Variants in ASPH observed in about 807,000 individuals in gnomAD.
The protein encoded by ASPH is aspartyl/asparaginyl beta-hydroxylase.
A neutral mutation model predicts 118.4 loss-of-function variants in ASPH; 100 were observed. The observed-to-expected ratio is 0.84, with a 90% CI of 0.72 to 1.00. The LOEUF (loss-of-function observed/expected upper bound fraction) is 1.00, where lower values mean the gene tolerates loss of function less well. ASPH is among the 50% of genes least tolerant of loss of function. The pLI, the probability that ASPH is intolerant of heterozygous loss-of-function variation, is 0.00. For missense variants in ASPH, 920 were observed against 919.5 expected (o/e 1.00, Z -0.01); for synonymous variants, 315 against 325.6 (o/e 0.97, Z 0.35).
At chr8:61,651,753 T>C (rs904047719) in intron 4 of ASPH, among the ~76,000 whole-genome samples, 1 of 152,214 alleles carries the variant, frequency 6.6e-6, no homozygotes, top group Non-Finnish European at 1.5e-5. Context: ...ATAAATTGAA[T>C]TACAAAAGTG....
intron 3 of ASPH, among the ~76,000 whole-genome samples, chr8:61,672,793 T>A (rs1823269398): frequency 6.6e-6 from 1 of 152,204 alleles, no homozygotes; most frequent in Middle Eastern, 3.2e-3. Context: ...ATTTAACTTA[T>A]GAAAATAAAG....
chr8:61,558,505 T>C (rs1355208346), intron 18 of ASPH, among the ~76,000 whole-genome samples: 1 of 152,140 alleles, frequency 6.6e-6, no homozygotes, highest in Admixed American at 6.5e-5. Flanking sequence ...TAGAAAAAAA[T>C]TACATACACT....
chr8:61,604,454 T>G (rs1025006676), intron 14 of ASPH, among the ~76,000 whole-genome samples: 7 of 152,216 alleles, frequency 4.6e-5, no homozygotes, highest in African/African-American at 1.7e-4. Context: ...TCAGTAACAC[T>G]GACATTCAGA....
chr8:61,661,704 A>G (rs975069128), intron 3 of ASPH: 1 of 329,222 alleles, frequency 3.0e-6, no homozygotes, highest in Non-Finnish European at 5.5e-6. Flanking sequence ...TCTATGGGGA[A>G]TCTTTATTAT....
At chr8:61,583,890 T>A in intron 15 of ASPH, 54 bp downstream of exon 15, 9 of 1,215,012 alleles carry the variant, frequency 7.4e-6, no homozygotes, top group East Asian at 2.4e-5. Flanking sequence ...AAATCAAGAG[T>A]AATGCCTGAG....
chr8:61,591,714 A>G (rs540499386), intron 14 of ASPH, among the ~76,000 whole-genome samples: 5 of 152,274 alleles, frequency 3.3e-5, no homozygotes. Flanking sequence ...TGTGTGACTC[A>G]CCCAAGCTGC....
At chr8:61,507,412 T>C (rs1198415078) in intron 24 of ASPH, among the ~76,000 whole-genome samples, 1 of 152,240 alleles carries the variant, frequency 6.6e-6, no homozygotes, top group Non-Finnish European at 1.5e-5. Context: ...TTCCACTTTC[T>C]TTCATACATT....
At chr8:61,675,355 T>G in intron 3 of ASPH, 1 of 965,354 alleles carries the variant, frequency 1.0e-6, no homozygotes, top group Non-Finnish European at 1.2e-6. Flanking sequence ...TACAAATTAC[T>G]TTCTCTGGAT....
At chr8:61,577,725 C>T in intron 15 of ASPH, among the ~76,000 whole-genome samples, 1 of 152,124 alleles carries the variant, frequency 6.6e-6, no homozygotes, top group Non-Finnish European at 1.5e-5. Flanking sequence ...GGAAGATCCC[C>T]TTATAAAACC....
chr8:61,625,002 T>C (rs1852234228), intron 13 of ASPH: 1 of 985,520 alleles, frequency 1.0e-6, no homozygotes, highest in Non-Finnish European at 1.2e-6. Context: ...GATAAAAATA[T>C]AGAAGTATCT....
chr8:61,621,889 GA>G (rs966047404), intron 13 of ASPH, among the ~76,000 whole-genome samples: 1 of 151,748 alleles, frequency 6.6e-6, no homozygotes, highest in Non-Finnish European at 1.5e-5. Context: ...TTCGTATTCA[GA>G]AAAAAAAGAT....
intron 14 of ASPH, among the ~76,000 whole-genome samples, chr8:61,612,930 C>T (rs1847908647): frequency 6.6e-6 from 1 of 152,120 alleles, no homozygotes; most frequent in Admixed American, 6.5e-5. Flanking sequence ...ATAATTCTTC[C>T]TGCCCACCAT....
chr8:61,545,824 G>A (rs975645410), intron 21 of ASPH, among the ~76,000 whole-genome samples: 3 of 152,158 alleles, frequency 2.0e-5, no homozygotes, highest in African/African-American at 7.2e-5. Context: ...GGTTTGATCT[G>A]TTGGTTTAAG....
intron 1 of ASPH, chr8:61,684,733 A>G (rs1829741764): frequency 1.3e-5 from 2 of 152,302 alleles, no homozygotes; most frequent in African/African-American, 4.8e-5. Flanking sequence ...GAAAAGGCTC[A>G]TTCACAATTG....
intron 14 of ASPH, among the ~76,000 whole-genome samples, chr8:61,608,748 C>G (rs912738656): frequency 2.1e-4 from 32 of 152,152 alleles, no homozygotes; most frequent in African/African-American, 7.7e-4. Flanking sequence ...AGAATTATTG[C>G]ACCTAGAGTG....
intron 20 of ASPH, among the ~76,000 whole-genome samples, chr8:61,549,388 A>C (rs953570514): frequency 6.6e-5 from 10 of 152,156 alleles, no homozygotes; most frequent in African/African-American, 2.4e-4. Flanking sequence ...TAAAGGCTAA[A>C]TCTTCTGAAC....
intron 16 of ASPH, among the ~76,000 whole-genome samples, chr8:61,572,235 G>C (rs572979015): frequency 4.1e-4 from 62 of 152,290 alleles, no homozygotes; most frequent in Admixed American, 2.2e-3. Flanking sequence ...TAGGGGTGCT[G>C]TCAGCATCTC....
intron 3 of ASPH, chr8:61,675,572 A>G (rs954904213): frequency 3.1e-6 from 3 of 979,956 alleles, no homozygotes; most frequent in East Asian, 1.1e-4. Context: ...ACAATAAAAA[A>G]TATCAGCTTA....
intron 10 of ASPH, 38 bp from the exon 11 acceptor site, chr8:61,638,401 T>C (rs1459121980): frequency 2.0e-6 from 3 of 1,501,946 alleles, no homozygotes; most frequent in Non-Finnish European, 2.7e-6. Context: ...CCCGTAACTT[T>C]CATTGTAACA....
Sources: gnomAD v4.1 joint callset for allele counts (sites outside exome capture counted in the v4.1 genomes callset) on GRCh38, gnomAD v4.1.1 for gene constraint, MANE v1.5 for transcripts, NCBI Gene and HGNC (gene_info 2026-07-23, HGNC 2026-07-21) for gene names.